GOLGA8A: variants seen among roughly 807,000 people sequenced by gnomAD.
The protein encoded by GOLGA8A is golgin A8 family member A.
In GOLGA8A, 3 loss-of-function variants were observed where a neutral mutation model predicts 22.1. The ratio of observed to expected loss-of-function variants is 0.14; its 90% CI spans 0.06 to 0.35. The LOEUF is 0.35. GOLGA8A is among the 10% of genes least tolerant of loss of function. The probability of loss-of-function intolerance (pLI) is 1.00; values close to 1 mark genes in which losing one functional copy is unlikely to be tolerated. For synonymous variants in GOLGA8A, 7 were observed against 91.7 expected, an observed-to-expected ratio of 0.08 and a Z score of 5.28; for missense variants, 16 against 233.2, an observed-to-expected ratio of 0.07 and a Z score of 6.07.
At chr15:34,426,871 C>A (rs1282984297) in intron 2 of GOLGA8A, among the ~76,000 whole-genome samples, 1 of 143,734 alleles carries the variant, frequency 7.0e-6, no homozygotes, top group Non-Finnish European at 1.5e-5. Flanking sequence ...CATAGCAACA[C>A]CTCCATCTCA....
At chr15:34,417,485 T>C (rs1182273669) in intron 2 of GOLGA8A, 1 of 119,684 alleles carries the variant, frequency 8.4e-6, no homozygotes, top group Non-Finnish European at 1.7e-5. Flanking sequence ...TTTCACAGAA[T>C]AGACCATGGA....
At chr15:34,425,681 A>C (rs1444408221) in intron 2 of GOLGA8A, among the ~76,000 whole-genome samples, 1 of 145,786 alleles carries the variant, frequency 6.9e-6, no homozygotes, top group African/African-American at 2.5e-5. Flanking sequence ...AAATATCCGC[A>C]ATATATATAG....
rs1399109482 is a variant in GOLGA8A, at chr15:34,437,453, C to G, written c.-1267G>C. On this transcript the variant is annotated 5_prime_UTR_variant, in exon 1 of 25. Transcript: ENST00000359187. The stretch of plus-strand genomic sequence containing the variant: ...CCGCCGTCCTCGCCGCGCCGCCGTC[C>G]TCGCCGCGCCGCCGTCCTCGCCGCG... 1 of 133,056 alleles carries G rather than the reference C, an allele frequency of 7.5e-6. No homozygotes were observed. The highest frequency in any genetic ancestry group is 2.2e-4 in the East Asian group (1 of 4,460). The allele number at this position is 133,056 out of a possible 1,614,324, so 8.2% of individuals were successfully genotyped here.
At chr15:34,425,266 T>G (rs1308660034) in intron 2 of GOLGA8A, among the ~76,000 whole-genome samples, 1 of 147,554 alleles carries the variant, frequency 6.8e-6, no homozygotes, top group African/African-American at 2.5e-5. Context: ...AGCAGTAAAT[T>G]AGAATGGAGA....
intron 7 of GOLGA8A, among the ~76,000 whole-genome samples, 164 bp downstream of exon 7, chr15:34,398,991 T>A: frequency 7.2e-6 from 1 of 138,878 alleles, no homozygotes; most frequent in Non-Finnish European, 1.6e-5. Flanking sequence ...CAGCACCAAG[T>A]ACAGTGTCAT....
In GOLGA8A at chr15:34,411,421, AAT is replaced by A. The variant is rs1566908167; in HGVS notation, c.-1122-3688_-1122-3687del. 1.3e-4 allele frequency among the ~76,000 whole-genome samples: 5 copies of A among 39,144 alleles called. 1 individual carries two copies. In the South Asian group the frequency reaches 5.5e-3, roughly 43 times the overall value. The allele number at this position is 39,144 out of a possible 152,430, so 25.7% of individuals were successfully genotyped here. ...TATTTTTTTCTGAGAAGAATTCATG[AAT>A]GTGTGTGTGTGTGTGTGTGTGTGTG... On this transcript the variant is annotated intron_variant, in intron 2 of 24. Transcript: ENST00000359187.
In GOLGA8A at chr15:34,434,594, C is replaced by G. The variant is rs577091048; in HGVS notation, c.-1123+789G>C. Among the ~76,000 whole-genome samples, 4 of 148,468 alleles carry G rather than the reference C, an allele frequency of 2.7e-5. No individual in the cohort carries two copies. In the East Asian group the frequency reaches 8.0e-4, roughly 30 times the overall value. On this transcript the variant is annotated intron_variant, in intron 2 of 24. Transcript: ENST00000359187. Reference sequence around the variant, plus strand: ...AGCTGGACCCAACCCAGGCGGTGGGCAGCAGGGGGGTGGGGAGGAACTCTG... The same window carrying G: ...AGCTGGACCCAACCCAGGCGGTGGGGAGCAGGGGGGTGGGGAGGAACTCTG...
At chr15:34,429,751 G>A (rs992536219) in intron 2 of GOLGA8A, among the ~76,000 whole-genome samples, 5 of 146,940 alleles carry the variant, frequency 3.4e-5, no homozygotes, top group African/African-American at 1.2e-4. Flanking sequence ...AGTGCTCCAG[G>A]CAAAGGGACT....
rs149658394 is a variant in GOLGA8A, at chr15:34,433,605, A to G, written c.-1123+1778T>C. 9.5e-3 allele frequency among the ~76,000 whole-genome samples: 1,410 copies of G among 148,864 alleles called. 107 individuals are homozygous for G. The highest frequency in any genetic ancestry group is 0.033 in the African/African-American group (1,325 of 40,296). On this transcript the variant is annotated intron_variant, in intron 2 of 24. Transcript: ENST00000359187. The stretch of plus-strand genomic sequence containing the variant: ...GGAGGATCCAAATGTGAACACAGCT[A>G]GGTTCCAGCTCTGGGACTCGGGAAA...
intron 2 of GOLGA8A, among the ~76,000 whole-genome samples, chr15:34,408,336 TCCACACACA>T (rs1214526576): frequency 2.2e-4 from 5 of 22,272 alleles, no homozygotes; most frequent in South Asian, 1.7e-3. Flanking sequence ...CACATCACAC[TCCACACACA>T]CCACACGCAC....
rs371866186 is a variant in GOLGA8A at position 34,419,048 on chromosome 15, G to C, written c.-1122-11313C>G. ...GCCTCCCTAGTAGCAGGGATTACAG[G>C]CGTCCGCCACCACGCCTGGCTAATT... On this transcript the variant is annotated intron_variant, in intron 2 of 24. Transcript: ENST00000359187. 2.8e-5 allele frequency: 4 copies of C among 140,460 alleles called. 1 individual carries two copies. Among genetic ancestry groups the C allele is most frequent in the Non-Finnish European group, 6.1e-5 (4 of 65,160 alleles). The allele number at this position is 140,460 out of a possible 1,614,324, so 8.7% of individuals were successfully genotyped here.
intron 2 of GOLGA8A, among the ~76,000 whole-genome samples, chr15:34,433,192 G>A (rs1893334117): frequency 6.8e-6 from 1 of 148,102 alleles, no homozygotes; most frequent in African/African-American, 2.5e-5. Context: ...GAGTCAGGCA[G>A]GAGGAGGCTT....
intron 2 of GOLGA8A, among the ~76,000 whole-genome samples, chr15:34,431,320 T>TATATATATATATAC: frequency 6.5e-5 from 1 of 15,334 alleles, no homozygotes; most frequent in African/African-American, 1.3e-4. Flanking sequence ...TACATATATA[T>TATATATATATATAC]ATATATATAT....
intron 2 of GOLGA8A, among the ~76,000 whole-genome samples, chr15:34,429,433 C>A (rs1278148297): frequency 2.0e-5 from 3 of 146,374 alleles, no homozygotes; most frequent in African/African-American, 7.6e-5. Flanking sequence ...ACACTCCAGG[C>A]TGGCCCTTCT....
At chr15:34,419,063 C>T (rs1209613204) in intron 2 of GOLGA8A, 1 of 139,778 alleles carries the variant, frequency 7.2e-6, no homozygotes, top group Non-Finnish European at 1.5e-5. Context: ...CGCCACCACG[C>T]CTGGCTAATT....
chr15:34,412,780 C>G (rs1256461298), intron 2 of GOLGA8A, among the ~76,000 whole-genome samples: 67 of 143,972 alleles, frequency 4.7e-4, no homozygotes, highest in African/African-American at 1.5e-3. Flanking sequence ...GTCAGGGCTC[C>G]TCTTGCTCTT....
rs1213032533 is a variant in GOLGA8A at position 34,379,272 on chromosome 15, C to A, written c.*2139G>T. 1 of 152,562 alleles carries A rather than the reference C, an allele frequency of 6.6e-6. No individual in the cohort carries two copies. Among genetic ancestry groups the A allele is most frequent in the Non-Finnish European group, 1.5e-5 (1 of 68,034 alleles). 9.5% of individuals were successfully genotyped at this position (152,562 alleles called of 1,614,324 possible). On this transcript the variant is annotated 3_prime_UTR_variant, in exon 25 of 25. Transcript: ENST00000359187. ...TTCTTTCTCTACTTTTCCTTCCCACCATTTCTTCCTTTTAAACTACAGGAT... is the reference window on the plus strand; with the variant it reads ...TTCTTTCTCTACTTTTCCTTCCCACAATTTCTTCCTTTTAAACTACAGGAT...
At position 34,379,328 on chromosome 15, in the gene GOLGA8A, T is replaced by C. The variant is rs1891359816; in HGVS notation, c.*2083A>G. ...TTTTAAAATGTTTTATTTCAGAACA[T>C]TAAGATAGCAGTTACATTTTTTAAT... On this transcript the variant is annotated 3_prime_UTR_variant, in exon 25 of 25. Coordinates refer to ENST00000359187, the MANE Select transcript of GOLGA8A (RefSeq NM_181077.5). 6.6e-6 allele frequency: 1 copy of C among 152,636 alleles called. No homozygotes were observed. The highest frequency in any genetic ancestry group is 1.5e-5 in the Non-Finnish European group (1 of 68,046). The allele number at this position is 152,636 out of a possible 1,614,324, so 9.5% of individuals were successfully genotyped here.
intron 2 of GOLGA8A, among the ~76,000 whole-genome samples, chr15:34,427,330 CAAAAAAAAAAA>C (rs67775520): frequency 2.5e-5 from 2 of 78,850 alleles, no homozygotes; most frequent in Non-Finnish European, 5.0e-5. Context: ...GACTCCGTCA[CAAAAAAAAAAA>C]AAAAAAAAAA....
Sources: gnomAD v4.1 joint callset for allele counts (sites outside exome capture counted in the v4.1 genomes callset) on GRCh38, gnomAD v4.1.1 for gene constraint, MANE v1.5 for transcripts, NCBI Gene and HGNC (gene_info 2026-07-23, HGNC 2026-07-21) for gene names.